MYCBP2: variants seen among roughly 807,000 people sequenced by gnomAD.
MYCBP2 encodes the protein MYC binding protein 2.
In MYCBP2, 120 loss-of-function variants were observed where a neutral mutation model predicts 525.3. The observed-to-expected ratio is 0.23, with a 90% CI of 0.20 to 0.27. MYCBP2 has a LOEUF of 0.27. Among genes scored for constraint, MYCBP2 ranks in the 10% least tolerant of loss-of-function variants. The probability of loss-of-function intolerance (pLI) is 1.00; values close to 1 mark genes in which losing one functional copy is unlikely to be tolerated. For missense variants in MYCBP2, 4,149 were observed against 5,657.1 expected, an observed-to-expected ratio of 0.73 and a Z score of 8.55; for synonymous variants, 1,894 against 1,955.8, an observed-to-expected ratio of 0.97 and a Z score of 0.83.
At chr13:77,191,987 G>A (rs576419162) in intron 27 of MYCBP2, among the ~76,000 whole-genome samples, 174 bp from the exon 28 acceptor site, 1 of 152,260 alleles carries the variant, frequency 6.6e-6, no homozygotes, top group Non-Finnish European at 1.5e-5. Flanking sequence ...AGCAAATATA[G>A]TTATTTATGT....
intron 65 of MYCBP2, chr13:77,080,942 GAA>G (rs11424523): frequency 6.6e-5 from 8 of 120,492 alleles, no homozygotes; most frequent in East Asian, 2.3e-4. Flanking sequence ...CTCCATCTCA[GAA>G]AAAAAAAAAA....
chr13:77,242,643 T>C (rs972184527), intron 17 of MYCBP2, among the ~76,000 whole-genome samples: 1 of 152,024 alleles, frequency 6.6e-6, no homozygotes, highest in Non-Finnish European at 1.5e-5. Context: ...CATAAATGAG[T>C]AAGAAAATAG....
chr13:77,322,728 T>G (rs901449931), intron 1 of MYCBP2, among the ~76,000 whole-genome samples: 11 of 151,996 alleles, frequency 7.2e-5, no homozygotes, highest in Non-Finnish European at 1.5e-5. Flanking sequence ...ACTAAGGGAG[T>G]CTACCTCCAG....
intron 24 of MYCBP2, 100 bp downstream of exon 24, chr13:77,206,553 C>G: frequency 9.0e-7 from 1 of 1,105,936 alleles, no homozygotes; most frequent in Non-Finnish European, 1.2e-6. Context: ...TATTATTTAA[C>G]AAACAAGACA....
At chr13:77,117,955 G>C (rs893634308) in intron 55 of MYCBP2, among the ~76,000 whole-genome samples, 1 of 152,072 alleles carries the variant, frequency 6.6e-6, no homozygotes, top group South Asian at 2.1e-4. Context: ...AAACTAAATT[G>C]TCATACATTT....
chr13:77,174,724 A>G (rs2059445339), intron 36 of MYCBP2, among the ~76,000 whole-genome samples: 1 of 149,940 alleles, frequency 6.7e-6, no homozygotes, highest in African/African-American at 2.5e-5. Flanking sequence ...CCTTAAAATG[A>G]CCTCATAAGG....
chr13:77,264,344 T>C (rs1371333706), intron 8 of MYCBP2, among the ~76,000 whole-genome samples: 1 of 152,032 alleles, frequency 6.6e-6, no homozygotes, highest in African/African-American at 2.4e-5. Flanking sequence ...TCACATGCAA[T>C]GGAGGCAACA....
chr13:77,157,634 C>T (rs2057371882), intron 45 of MYCBP2, among the ~76,000 whole-genome samples: 1 of 151,924 alleles, frequency 6.6e-6, no homozygotes, highest in Non-Finnish European at 1.5e-5. Flanking sequence ...TCTGTAATCC[C>T]AGCTACCTGG....
intron 10 of MYCBP2, 22 bp from the exon 11 acceptor site, chr13:77,262,151 T>C (rs766356278): frequency 6.3e-7 from 1 of 1,575,378 alleles, no homozygotes; most frequent in South Asian, 1.1e-5. Context: ...GACTAATAAA[T>C]ACTATTGCAT....
rs2056367993 is a variant in MYCBP2, at chr13:77,150,952, A to C, written c.6916-3T>G. The C allele has an allele frequency of 1.2e-6, 2 of 1,612,106 alleles. No individual in the cohort carries two copies. Among genetic ancestry groups the C allele is most frequent in the African/African-American group, 1.3e-5 (1 of 75,000 alleles). On this transcript the variant is annotated splice_polypyrimidine_tract_variant and splice_region_variant and intron_variant, in intron 46 of 82. Coordinates refer to ENST00000544440, the MANE Select transcript of MYCBP2 (RefSeq NM_015057.5). ...ACAGGGACAGCTTTCACTTCCACCT[A>C]AACATGGTATTATAGAAACCAAATA...
intron 1 of MYCBP2, among the ~76,000 whole-genome samples, chr13:77,317,798 G>A (rs7326047): frequency 0.029 from 4,467 of 152,174 alleles, 133 homozygotes; most frequent in African/African-American, 0.078. Flanking sequence ...TTAGCTGGGC[G>A]TGGTGATGTG....
intron 16 of MYCBP2, among the ~76,000 whole-genome samples, chr13:77,243,484 G>C (rs1030437958): frequency 1.3e-5 from 2 of 151,918 alleles, no homozygotes; most frequent in African/African-American, 4.8e-5. Context: ...GTGGTAGCGG[G>C]CACCTGTAAT....
intron 36 of MYCBP2, among the ~76,000 whole-genome samples, chr13:77,175,784 A>C (rs1303572676): frequency 6.6e-6 from 1 of 151,922 alleles, no homozygotes; most frequent in Non-Finnish European, 1.5e-5. Flanking sequence ...AACACAGTGA[A>C]ACCCCTCTAC....
chr13:77,177,024 A>G (rs2059768819), intron 35 of MYCBP2, among the ~76,000 whole-genome samples: 1 of 152,068 alleles, frequency 6.6e-6, no homozygotes, highest in African/African-American at 2.4e-5. Context: ...AGGTACTTTA[A>G]TTTTAGAGAA....
intron 26 of MYCBP2, among the ~76,000 whole-genome samples, chr13:77,197,839 G>A (rs750276437): frequency 3.3e-5 from 5 of 152,160 alleles, no homozygotes; most frequent in Non-Finnish European, 5.9e-5. Flanking sequence ...CCCACTCACT[G>A]GATAATTGAA....
In MYCBP2 at chr13:77,090,315, G is replaced by C. The variant is rs754192300; in HGVS notation, c.10368-52C>G. 2.7e-6 allele frequency: 4 copies of C among 1,461,244 alleles called. No homozygotes were observed. The South Asian group carries it at 5.9e-5, about 21-fold the overall frequency. The allele number at this position is 1,461,244 out of a possible 1,614,324, so 90.5% of individuals were successfully genotyped here. On this transcript the variant is annotated intron_variant, in intron 59 of 82. Coordinates refer to ENST00000544440, the MANE Select transcript of MYCBP2 (RefSeq NM_015057.5). ...CAAACTCAGAAGAGCTGAATGAAATGTAACTATACTTATAATGATGCAAAA... is the reference window on the plus strand; with the variant it reads ...CAAACTCAGAAGAGCTGAATGAAATCTAACTATACTTATAATGATGCAAAA...
At chr13:77,207,627 T>C (rs1245536035) in intron 23 of MYCBP2, among the ~76,000 whole-genome samples, 1 of 152,162 alleles carries the variant, frequency 6.6e-6, no homozygotes, top group Non-Finnish European at 1.5e-5. Context: ...TTAAAAAATT[T>C]TAAATTATTT....
rs752417906 is a variant in MYCBP2, at chr13:77,156,237, A to T, written c.6771-35T>A. The T allele has an allele frequency of 2.5e-6, 4 of 1,583,622 alleles. No homozygotes were observed. In the East Asian group the frequency reaches 9.0e-5, roughly 36 times the overall value. On this transcript the variant is annotated intron_variant, in intron 45 of 82. Coordinates refer to ENST00000544440, the MANE Select transcript of MYCBP2 (RefSeq NM_015057.5). ...ATGAAAAACAAATAAACAAAACCCC[A>T]AACACTGATCAGCATCTTCAACAAT...
In MYCBP2 at chr13:77,141,081, A is replaced by G. The variant is rs1449341689; in HGVS notation, c.7304-138T>C. 4.9e-6 allele frequency: 3 copies of G among 607,168 alleles called. No homozygotes were observed. In the African/African-American group the frequency reaches 5.7e-5, roughly 12 times the overall value. The allele number at this position is 607,168 out of a possible 1,614,324, so 37.6% of individuals were successfully genotyped here. A position where few individuals can be genotyped will look rare whatever the true frequency, so the allele number is the denominator to read the frequency against. On this transcript the variant is annotated intron_variant, in intron 49 of 82. Transcript: ENST00000544440. ...GATTTCTGTCCTTTTAAGGTGATGG[A>G]TATTTAATAGGCTAAACAAGAGAAA...
Sources: gnomAD v4.1 joint callset for allele counts (sites outside exome capture counted in the v4.1 genomes callset) on GRCh38, gnomAD v4.1.1 for gene constraint, MANE v1.5 for transcripts, NCBI Gene and HGNC (gene_info 2026-07-23, HGNC 2026-07-21) for gene names.